PRKG1: variants seen among roughly 807,000 people sequenced by gnomAD.
The protein encoded by PRKG1 is protein kinase cGMP-dependent 1.
In PRKG1, 35 loss-of-function variants were observed where a neutral mutation model predicts 88.1. That is an observed-to-expected ratio of 0.40 (90% CI 0.30 to 0.53). The LOEUF is 0.53. PRKG1 is among the 20% of genes least tolerant of loss of function. The probability of loss-of-function intolerance (pLI) is 0.59; values close to 1 mark genes in which losing one functional copy is unlikely to be tolerated. For missense variants in PRKG1, 540 were observed against 839.8 expected, an observed-to-expected ratio of 0.64 and a Z score of 4.41; for synonymous variants, 303 against 292.5, an observed-to-expected ratio of 1.04 and a Z score of -0.37.
intron 2 of PRKG1, among the ~76,000 whole-genome samples, chr10:51,303,463 A>C (rs1840947787): frequency 6.6e-6 from 1 of 151,664 alleles, no homozygotes; most frequent in South Asian, 2.1e-4. Flanking sequence ...TATTTGTGAG[A>C]AATGCCCCTT....
chr10:51,527,799 G>C (rs956737284), intron 3 of PRKG1, among the ~76,000 whole-genome samples: 3 of 152,150 alleles, frequency 2.0e-5, no homozygotes, highest in African/African-American at 4.8e-5. Flanking sequence ...AGTTATTTCT[G>C]TTTGAAAGAG....
At chr10:52,183,491 T>C (rs963838909) in intron 9 of PRKG1, among the ~76,000 whole-genome samples, 2 of 152,222 alleles carry the variant, frequency 1.3e-5, no homozygotes, top group Admixed American at 1.3e-4. Flanking sequence ...ACTGCCAGAC[T>C]GTTCCTCCAG....
At chr10:51,968,604 C>T (rs757728852) in intron 5 of PRKG1, among the ~76,000 whole-genome samples, 7 of 151,718 alleles carry the variant, frequency 4.6e-5, no homozygotes, top group South Asian at 2.1e-4. Flanking sequence ...AGGCAGATCA[C>T]GAGGTCAAGA....
chr10:52,216,898 C>A (rs1840125577), intron 9 of PRKG1, among the ~76,000 whole-genome samples: 1 of 152,114 alleles, frequency 6.6e-6, no homozygotes, highest in Admixed American at 6.6e-5. Context: ...TTTTACTAGG[C>A]AGACAATTCT....
chr10:51,168,525 C>G (rs1846610871), intron 2 of PRKG1, among the ~76,000 whole-genome samples: 1 of 151,962 alleles, frequency 6.6e-6, no homozygotes, highest in Admixed American at 6.6e-5. Context: ...AGAAGTAACC[C>G]ACGTAATCAA....
intron 1 of PRKG1, among the ~76,000 whole-genome samples, chr10:51,055,367 A>T (rs923795613): frequency 3.9e-5 from 6 of 152,162 alleles, no homozygotes; most frequent in African/African-American, 1.4e-4. Flanking sequence ...ATTAAAAAAA[A>T]ATCTTAATTC....
chr10:51,774,110 T>C (rs1004836168), intron 3 of PRKG1, among the ~76,000 whole-genome samples: 1 of 152,084 alleles, frequency 6.6e-6, no homozygotes, highest in African/African-American at 2.4e-5. Context: ...GGCTACTTTC[T>C]GGCCCTGTGA....
intron 7 of PRKG1, among the ~76,000 whole-genome samples, chr10:52,070,777 CAATT>C (rs1846477025): frequency 6.6e-6 from 1 of 152,162 alleles, no homozygotes; most frequent in Non-Finnish European, 1.5e-5. Context: ...GTCTTCAGTT[CAATT>C]AATACACTGA....
At chr10:51,440,742 G>A (rs573877662) in intron 2 of PRKG1, among the ~76,000 whole-genome samples, 3 of 151,912 alleles carry the variant, frequency 2.0e-5, no homozygotes, top group South Asian at 4.2e-4. Context: ...CAATGCTTCC[G>A]CCATGGTGAA....
At chr10:51,761,065 G>C (rs986412064) in intron 3 of PRKG1, among the ~76,000 whole-genome samples, 10 of 152,184 alleles carry the variant, frequency 6.6e-5, no homozygotes, top group Non-Finnish European at 8.8e-5. Context: ...AGTGAGCCAA[G>C]TTCATGCCAT....
intron 5 of PRKG1, chr10:51,909,601 AG>A (rs941081699): frequency 2.0e-4 from 30 of 151,924 alleles, no homozygotes; most frequent in African/African-American, 7.3e-4. Flanking sequence ...GGAGATCTAT[AG>A]GGATAAAAGG....
chr10:51,024,841 A>C (rs1048470419), intron 1 of PRKG1, among the ~76,000 whole-genome samples: 6 of 152,124 alleles, frequency 3.9e-5, no homozygotes, highest in African/African-American at 1.4e-4. Context: ...AGCAGCACCA[A>C]AGGGGATATC....
intron 3 of PRKG1, among the ~76,000 whole-genome samples, chr10:51,573,360 A>G (rs1837804721): frequency 6.7e-6 from 1 of 149,756 alleles, no homozygotes; most frequent in South Asian, 2.1e-4. Flanking sequence ...TACACATTGT[A>G]TTTAATCACT....
chr10:51,296,566 C>T (rs1375201396), intron 2 of PRKG1, among the ~76,000 whole-genome samples: 1 of 151,924 alleles, frequency 6.6e-6, no homozygotes, highest in Non-Finnish European at 1.5e-5. Context: ...TGAGTCTTCT[C>T]CATTTTTTCT....
intron 3 of PRKG1, among the ~76,000 whole-genome samples, chr10:51,565,100 T>C (rs10823198): frequency 0.32 from 48,732 of 151,956 alleles, 9,035 homozygotes; most frequent in Non-Finnish European, 0.43. Flanking sequence ...AAAATAAGCG[T>C]TGATAATTGA....
chr10:51,562,544 C>G (rs1324306469), intron 3 of PRKG1, among the ~76,000 whole-genome samples: 1 of 151,980 alleles, frequency 6.6e-6, no homozygotes, highest in Non-Finnish European at 1.5e-5. Flanking sequence ...TGTTATACTC[C>G]TGACCCTGAA....
At chr10:52,121,373 G>A (rs1253562385) in intron 7 of PRKG1, among the ~76,000 whole-genome samples, 4 of 152,130 alleles carry the variant, frequency 2.6e-5, no homozygotes, top group African/African-American at 7.2e-5. Context: ...TGACCACACG[G>A]TTAGTATTCT....
chr10:51,012,636 T>A (rs1843008033), intron 1 of PRKG1, among the ~76,000 whole-genome samples: 1 of 152,238 alleles, frequency 6.6e-6, no homozygotes, highest in Admixed American at 6.5e-5. Context: ...AACTATTTAT[T>A]GAGTGCTTAC....
intron 4 of PRKG1, among the ~76,000 whole-genome samples, chr10:51,832,474 A>G (rs974496836): frequency 1.3e-5 from 2 of 152,164 alleles, no homozygotes; most frequent in African/African-American, 2.4e-5. Context: ...TCATTTGGGT[A>G]TTTACATCAC....
Sources: gnomAD v4.1 joint callset for allele counts (sites outside exome capture counted in the v4.1 genomes callset) on GRCh38, gnomAD v4.1.1 for gene constraint, MANE v1.5 for transcripts, NCBI Gene and HGNC (gene_info 2026-07-23, HGNC 2026-07-21) for gene names.